The following KCNQ3 variants were observed in gnomAD, a reference collection of about 807,000 sequenced individuals.
The protein encoded by KCNQ3 is potassium voltage-gated channel subfamily Q member 3.
In KCNQ3, 30 loss-of-function variants were observed where a neutral mutation model predicts 92.5. The ratio of observed to expected loss-of-function variants is 0.32; its 90% CI spans 0.24 to 0.44. The LOEUF is 0.44. Among genes scored for constraint, KCNQ3 ranks in the 20% least tolerant of loss-of-function variants. KCNQ3 has a pLI of 1.00. For missense variants in KCNQ3, 913 were observed against 1,140.3 expected (o/e 0.80, Z 2.87); for synonymous variants, 450 against 468.8 (o/e 0.96, Z 0.52).
At chr8:132,235,178 G>C (rs1374889385) in intron 1 of KCNQ3, among the ~76,000 whole-genome samples, 1 of 152,012 alleles carries the variant, frequency 6.6e-6, no homozygotes, top group Non-Finnish European at 1.5e-5. Flanking sequence ...TAGCCTTCTG[G>C]GTGTCCTAGG....
At chr8:132,285,908 CCAGT>C (rs1295501669) in intron 1 of KCNQ3, among the ~76,000 whole-genome samples, 1 of 152,142 alleles carries the variant, frequency 6.6e-6, no homozygotes, top group Non-Finnish European at 1.5e-5. Flanking sequence ...CTTGGTCACT[CCAGT>C]CAAAGTTCCA....
intron 9 of KCNQ3, among the ~76,000 whole-genome samples, chr8:132,148,327 C>T (rs916688177): frequency 3.3e-5 from 5 of 152,090 alleles, no homozygotes; most frequent in Admixed American, 2.6e-4. Context: ...CCTCCGCCTC[C>T]TAGGTTCAAG....
Position 132,134,226 on chromosome 8 carries a change from G to A in KCNQ3, c.1799+64C>T, listed in dbSNP as rs150300505. On this transcript the variant is annotated intron_variant, in intron 13 of 14. Coordinates refer to ENST00000388996, the MANE Select transcript of KCNQ3 (RefSeq NM_004519.4). Reference sequence around the variant, plus strand: ...ACATAAAGGACCCCAGCAGAGGTTTGGGGGTGGGGATGCTTTACAAACTTT... The same window carrying A: ...ACATAAAGGACCCCAGCAGAGGTTTAGGGGTGGGGATGCTTTACAAACTTT... 1.9e-4 allele frequency: 223 copies of A among 1,174,528 alleles called. 3 individuals are homozygous for A. In the African/African-American group the frequency reaches 3.0e-3, roughly 16 times the overall value. The allele number at this position is 1,174,528 out of a possible 1,614,324, so 72.8% of individuals were successfully genotyped here. A position where few individuals can be genotyped will look rare whatever the true frequency, so the allele number is the denominator to read the frequency against.
rs556366751 is a variant in KCNQ3 at position 132,441,896 on chromosome 8, TA to T, written c.386+38250del. On this transcript the variant is annotated intron_variant, in intron 1 of 14. Coordinates refer to ENST00000388996, the MANE Select transcript of KCNQ3 (RefSeq NM_004519.4). ...TACACCACGGAATACTATGGAGCCATAAAAAAAATGAGATCATGTCCTTTTC... is the reference window on the plus strand; with the variant it reads ...TACACCACGGAATACTATGGAGCCATAAAAAAATGAGATCATGTCCTTTTC... Among the ~76,000 whole-genome samples the T allele has an allele frequency of 7.2e-5, 11 of 151,894 alleles. No individual in the cohort carries two copies. In the South Asian group the frequency reaches 1.5e-3, roughly 20 times the overall value.
At chr8:132,220,273 T>C (rs768563215) in intron 1 of KCNQ3, among the ~76,000 whole-genome samples, 9 of 152,026 alleles carry the variant, frequency 5.9e-5, no homozygotes, top group Non-Finnish European at 1.0e-4. Flanking sequence ...TGGGGGCAGT[T>C]ACAGATAAAT....
chr8:132,238,533 GT>G (rs1398543044), intron 1 of KCNQ3, among the ~76,000 whole-genome samples: 7 of 152,074 alleles, frequency 4.6e-5, no homozygotes, highest in African/African-American at 1.7e-4. Context: ...CGCTTTTTGT[GT>G]TTCTTTCTTC....
intron 1 of KCNQ3, among the ~76,000 whole-genome samples, chr8:132,206,179 T>C (rs1378283384): frequency 6.6e-6 from 1 of 152,184 alleles, no homozygotes; most frequent in Admixed American, 6.5e-5. Flanking sequence ...GCCTACGATC[T>C]AGAGCACCTG....
chr8:132,171,013 C>T lies in KCNQ3; in HGVS notation c.1141-585G>A, dbSNP rs184172058. ...CAACCTGGGTATAGAGTAAAAGACC[C>T]TGTCTCAAAAAAAAGTAAACAATAA... On this transcript the variant is annotated intron_variant, in intron 7 of 14. Transcript: ENST00000388996. Among the ~76,000 whole-genome samples, 421 of 152,038 alleles carry T rather than the reference C, an allele frequency of 2.8e-3. 1 individual carries two copies. The highest frequency in any genetic ancestry group is 4.3e-3 in the Non-Finnish European group (294 of 67,972).
intron 1 of KCNQ3, among the ~76,000 whole-genome samples, chr8:132,428,456 T>G (rs892621575): frequency 2.0e-5 from 3 of 152,202 alleles, no homozygotes; most frequent in African/African-American, 4.8e-5. Flanking sequence ...AATCAGCCTC[T>G]GGTCCCTGGA....
In KCNQ3 at chr8:132,480,476, G is replaced by T. The variant is rs1057522486; in HGVS notation, c.57C>A (p.Gly19=). Residue 19 remains glycine, a synonymous_variant, in exon 1 of 15, where the codon GGC becomes GGA. Coordinates refer to ENST00000388996, the MANE Select transcript of KCNQ3 (RefSeq NM_004519.4). The part of the protein sequence containing the change: ...AGAAGGGGDG[G]GGGGGAANPA... Reference sequence around the variant, plus strand: ...GGTTAGCCGCCCCGCCGCCTCCGCCGCCCCCGTCGCCGCCGCCGCCAGCCG... The same window carrying T: ...GGTTAGCCGCCCCGCCGCCTCCGCCTCCCCCGTCGCCGCCGCCGCCAGCCG... 2 of 1,223,576 alleles carry T rather than the reference G, an allele frequency of 1.6e-6. No individual in the cohort carries two copies. Among genetic ancestry groups the T allele is most frequent in the Non-Finnish European group, 2.0e-6 (2 of 987,196 alleles). 75.8% of individuals were successfully genotyped at this position (1,223,576 alleles called of 1,614,324 possible). A position where few individuals can be genotyped will look rare whatever the true frequency, so the allele number is the denominator to read the frequency against.
chr8:132,144,219 C>T (rs547890106), intron 9 of KCNQ3, among the ~76,000 whole-genome samples: 2 of 152,330 alleles, frequency 1.3e-5, no homozygotes, highest in African/African-American at 2.4e-5. Context: ...AATCCAGATG[C>T]GTGGAACAAA....
intron 1 of KCNQ3, among the ~76,000 whole-genome samples, chr8:132,456,295 C>T (rs35126611): frequency 0.11 from 16,659 of 152,174 alleles, 970 homozygotes; most frequent in African/African-American, 0.16. Flanking sequence ...GGGAGGGGTC[C>T]GAGTCACCGC....
At chr8:132,152,692 T>C (rs1290789108) in intron 9 of KCNQ3, among the ~76,000 whole-genome samples, 2 of 152,132 alleles carry the variant, frequency 1.3e-5, no homozygotes, top group African/African-American at 4.8e-5. Context: ...TGACCTGTGG[T>C]CAGTAAAAAA....
intron 1 of KCNQ3, among the ~76,000 whole-genome samples, chr8:132,418,212 G>A (rs1267535258): frequency 2.0e-5 from 3 of 152,218 alleles, no homozygotes; most frequent in Admixed American, 2.0e-4. Context: ...GAAGCCTGAG[G>A]ACAAGATAAA....
At chr8:132,451,218 G>A (rs933253768) in intron 1 of KCNQ3, among the ~76,000 whole-genome samples, 2 of 152,188 alleles carry the variant, frequency 1.3e-5, no homozygotes, top group Non-Finnish European at 1.5e-5. Flanking sequence ...CTTGCCTGCT[G>A]CCATGTAAAA....
At chr8:132,439,011 C>T (rs891372064) in intron 1 of KCNQ3, among the ~76,000 whole-genome samples, 1 of 150,078 alleles carries the variant, frequency 6.7e-6, no homozygotes, top group African/African-American at 2.5e-5. Flanking sequence ...TCTCTTTGTA[C>T]CTTATTTTCT....
At chr8:132,160,846 G>A (rs772500956) in intron 9 of KCNQ3, among the ~76,000 whole-genome samples, 8 of 151,306 alleles carry the variant, frequency 5.3e-5, no homozygotes, top group East Asian at 1.9e-4. Flanking sequence ...AACTTCTACC[G>A]TGGGCTTACT....
intron 9 of KCNQ3, among the ~76,000 whole-genome samples, chr8:132,152,667 C>A (rs1407100708): frequency 6.6e-6 from 1 of 152,094 alleles, no homozygotes; most frequent in Non-Finnish European, 1.5e-5. Flanking sequence ...CTACACAGTC[C>A]CTGTACAGGG....
At position 132,288,001 on chromosome 8, in the gene KCNQ3, C is replaced by T; in HGVS notation, c.387-101820G>A. 1.3e-5 allele frequency among the ~76,000 whole-genome samples: 2 copies of T among 152,124 alleles called. 1 individual carries two copies. Among genetic ancestry groups the T allele is most frequent in the Middle Eastern group, 6.4e-3 (2 of 314 alleles). On this transcript the variant is annotated intron_variant, in intron 1 of 14. Transcript: ENST00000388996. Reference sequence around the variant, plus strand: ...ATTTCTGGCTTTGGTCCTGGGTTGCCACCTTGTGAGCTCTAGAAACCATGA... The same window carrying T: ...ATTTCTGGCTTTGGTCCTGGGTTGCTACCTTGTGAGCTCTAGAAACCATGA...
Sources: allele counts gnomAD v4.1 joint callset (sites outside exome capture counted in the v4.1 genomes callset), GRCh38; gene constraint gnomAD v4.1.1; transcripts MANE v1.5; gene names NCBI Gene and HGNC (gene_info 2026-07-23, HGNC 2026-07-21).